SWT1: variants seen among roughly 807,000 people sequenced by gnomAD.
SWT1 encodes transcriptional protein SWT1.
SWT1 carries 33 observed loss-of-function variants against 107.3 expected under a neutral mutation model. The ratio of observed to expected loss-of-function variants is 0.31; its 90% CI spans 0.23 to 0.41. The LOEUF (loss-of-function observed/expected upper bound fraction) is 0.41. SWT1 is among the 10% of genes least tolerant of loss of function. The probability of loss-of-function intolerance (pLI) is 1.00; values close to 1 mark genes in which losing one functional copy is unlikely to be tolerated. For synonymous variants in SWT1, 345 were observed against 348.3 expected, an observed-to-expected ratio of 0.99 and a Z score of 0.11; for missense variants, 898 against 1,028.9, an observed-to-expected ratio of 0.87 and a Z score of 1.74.
intron 10 of SWT1, among the ~76,000 whole-genome samples, chr1:185,202,098 T>G (rs1474663279): frequency 6.6e-6 from 1 of 152,172 alleles, no homozygotes; most frequent in Non-Finnish European, 1.5e-5. Flanking sequence ...ACTGAAGCCC[T>G]TAAGTTTCCT....
chr1:185,240,033 C>T (rs760541282), intron 16 of SWT1, among the ~76,000 whole-genome samples: 1 of 152,046 alleles, frequency 6.6e-6, no homozygotes, highest in Non-Finnish European at 1.5e-5. Flanking sequence ...ACTGTAAATG[C>T]GTGCAGCTTC....
At chr1:185,187,152 A>G (rs1012007950) in intron 9 of SWT1, among the ~76,000 whole-genome samples, 2 of 141,560 alleles carry the variant, frequency 1.4e-5, no homozygotes, top group African/African-American at 5.3e-5. Context: ...TCCTAGCTCC[A>G]CCTTCAAGAG....
chr1:185,190,313 T>TC (rs1238175507), intron 9 of SWT1, among the ~76,000 whole-genome samples: 3 of 152,194 alleles, frequency 2.0e-5, no homozygotes, highest in Non-Finnish European at 4.4e-5. Flanking sequence ...TTGATGAACC[T>TC]CCATTTGACA....
rs750015025 is a variant in SWT1 at position 185,232,866 on chromosome 1, C to T, written c.2441+1158C>T. Among the ~76,000 whole-genome samples, 8 of 152,056 alleles carry T rather than the reference C, an allele frequency of 5.3e-5. 1 individual carries two copies. On this transcript the variant is annotated intron_variant, in intron 16 of 18. Transcript: ENST00000367500. ...TTAGGAACTTTAAAACATATTGATG[C>T]CTGGATCCTCCACCCTAGAGATTCA...
At chr1:185,203,848 T>C (rs1658090913) in intron 11 of SWT1, among the ~76,000 whole-genome samples, 1 of 152,178 alleles carries the variant, frequency 6.6e-6, no homozygotes, top group Non-Finnish European at 1.5e-5. Context: ...ATACTACTTA[T>C]TTACCCTTTT....
chr1:185,173,008 C>T (rs1289314823), intron 4 of SWT1, among the ~76,000 whole-genome samples: 1 of 128,098 alleles, frequency 7.8e-6, no homozygotes, highest in Non-Finnish European at 1.5e-5. Context: ...TGCACCACTG[C>T]AGTCCAGCCT....
At chr1:185,212,222 A>T (rs930816929) in intron 13 of SWT1, among the ~76,000 whole-genome samples, 13 of 152,176 alleles carry the variant, frequency 8.5e-5, no homozygotes, top group African/African-American at 2.2e-4. Context: ...TAAAATAAAA[A>T]AAATAAAGCA....
intron 18 of SWT1, among the ~76,000 whole-genome samples, chr1:185,283,133 A>T (rs1195141296): frequency 6.6e-6 from 1 of 152,204 alleles, no homozygotes; most frequent in Non-Finnish European, 1.5e-5. Context: ...TGGCATATGG[A>T]TACAATTAAG....
chr1:185,235,339 C>T (rs1408026263), intron 16 of SWT1, among the ~76,000 whole-genome samples: 1 of 152,150 alleles, frequency 6.6e-6, no homozygotes, highest in African/African-American at 2.4e-5. Context: ...CCAAATCCAG[C>T]AGCACATCAA....
chr1:185,197,132 A>G (rs1657461083), intron 10 of SWT1, among the ~76,000 whole-genome samples: 1 of 151,818 alleles, frequency 6.6e-6, no homozygotes, highest in South Asian at 2.1e-4. Flanking sequence ...ATTCCATCTC[A>G]AACTCGTTCC....
intron 16 of SWT1, among the ~76,000 whole-genome samples, chr1:185,250,872 A>C (rs1163296741): frequency 6.6e-6 from 1 of 152,170 alleles, no homozygotes; most frequent in Non-Finnish European, 1.5e-5. Flanking sequence ...CATGTTGGCC[A>C]GGCAGGTCTC....
chr1:185,240,038 A>G (rs1251671510), intron 16 of SWT1, among the ~76,000 whole-genome samples: 3 of 152,130 alleles, frequency 2.0e-5, no homozygotes, highest in Non-Finnish European at 2.9e-5. Context: ...AAATGCGTGC[A>G]GCTTCAACTT....
chr1:185,181,288 C>G (rs968392634), intron 6 of SWT1, among the ~76,000 whole-genome samples: 2 of 152,146 alleles, frequency 1.3e-5, no homozygotes, highest in African/African-American at 4.8e-5. Context: ...AAAAAACTTT[C>G]AGACTATATT....
intron 18 of SWT1, among the ~76,000 whole-genome samples, chr1:185,289,208 A>T (rs1665115098): frequency 6.6e-6 from 1 of 152,254 alleles, no homozygotes; most frequent in African/African-American, 2.4e-5. Context: ...ACCATCAATT[A>T]TGATTAGCAC....
intron 15 of SWT1, among the ~76,000 whole-genome samples, chr1:185,230,301 T>C (rs1459669119): frequency 1.3e-5 from 2 of 152,146 alleles, no homozygotes; most frequent in African/African-American, 2.4e-5. Context: ...ACAACAGAAA[T>C]GTATTTGCTC....
intron 10 of SWT1, among the ~76,000 whole-genome samples, chr1:185,194,144 T>C (rs985207260): frequency 2.0e-5 from 3 of 152,220 alleles, no homozygotes; most frequent in Non-Finnish European, 2.9e-5. Context: ...GTGTATCTTT[T>C]TGTATCCTTT....
intron 16 of SWT1, among the ~76,000 whole-genome samples, chr1:185,235,597 G>A (rs1489362941): frequency 2.0e-5 from 3 of 152,120 alleles, no homozygotes; most frequent in Non-Finnish European, 2.9e-5. Context: ...CAAACCCATA[G>A]CCAGTATCAT....
At chr1:185,187,158 A>C (rs1216333175) in intron 9 of SWT1, among the ~76,000 whole-genome samples, 1 of 148,274 alleles carries the variant, frequency 6.7e-6, no homozygotes. Flanking sequence ...CTCCACCTTC[A>C]AGAGCTTCTC....
chr1:185,261,807 A>G (rs1193876546), intron 16 of SWT1, among the ~76,000 whole-genome samples: 1 of 152,204 alleles, frequency 6.6e-6, no homozygotes, highest in Non-Finnish European at 1.5e-5. Context: ...TTAAATGTGT[A>G]TAATAAAAGG....
Sources: gnomAD v4.1 joint callset for allele counts (sites outside exome capture counted in the v4.1 genomes callset) on GRCh38, gnomAD v4.1.1 for gene constraint, MANE v1.5 for transcripts, NCBI Gene and HGNC (gene_info 2026-07-23, HGNC 2026-07-21) for gene names.